LARP4: variants seen among roughly 807,000 people sequenced by gnomAD.
The protein encoded by LARP4 is La ribonucleoprotein 4.
Under a neutral mutation model 92.9 loss-of-function variants are expected in LARP4, and 29 were observed. The ratio of observed to expected loss-of-function variants is 0.31; its 90% CI spans 0.23 to 0.43. The LOEUF (loss-of-function observed/expected upper bound fraction) is 0.43. Among genes scored for constraint, LARP4 ranks in the 20% least tolerant of loss-of-function variants. LARP4 has a pLI of 1.00. For missense variants in LARP4, 732 were observed against 860.0 expected, an observed-to-expected ratio of 0.85 and a Z score of 1.86; for synonymous variants, 279 against 284.1, an observed-to-expected ratio of 0.98 and a Z score of 0.18.
intron 3 of LARP4, among the ~76,000 whole-genome samples, chr12:50,429,545 G>GA (rs374513874): frequency 6.6e-6 from 1 of 151,588 alleles, no homozygotes; most frequent in African/African-American, 2.4e-5. Flanking sequence ...AACTGTGTCT[G>GA]AAAAAAAAAT....
At chr12:50,412,285 C>G (rs926062872) in intron 1 of LARP4, 6 of 189,552 alleles carry the variant, frequency 3.2e-5, no homozygotes, top group African/African-American at 4.8e-5. Flanking sequence ...TTTTTCCCCC[C>G]CTAAGTACTT....
intron 1 of LARP4, among the ~76,000 whole-genome samples, chr12:50,424,309 A>G (rs1360062543): frequency 6.6e-6 from 1 of 151,744 alleles, no homozygotes; most frequent in Non-Finnish European, 1.5e-5. Context: ...GTTTGAGGCT[A>G]CAGTGAGCTA....
Position 50,461,143 on chromosome 12 carries a change from C to T in LARP4, c.1130C>T (p.Pro377Leu), listed in dbSNP as rs989019765. Reference protein sequence around the residue: ...GRPFQKNRVKPQFRSSGGSEH... With the variant: ...GRPFQKNRVKLQFRSSGGSEH... ...TTTTGTATTTCCTATAGTGTGAAGC[C>T]TCAGTTTAGGTCATCTGGTGGTTCA... The change falls in exon 11 of 16, where the codon CCT (proline) becomes CTT (leucine). Residue 377 changes from proline to leucine, a missense_variant. Coordinates refer to ENST00000398473, the MANE Select transcript of LARP4 (RefSeq NM_052879.5). 2.5e-6 allele frequency: 4 copies of T among 1,613,294 alleles called. No individual in the cohort carries two copies. Among genetic ancestry groups the T allele is most frequent in the South Asian group, 1.1e-5 (1 of 91,064 alleles).
chr12:50,470,078 G>A (rs566509275), intron 13 of LARP4, among the ~76,000 whole-genome samples: 18 of 151,902 alleles, frequency 1.2e-4, no homozygotes, highest in African/African-American at 4.3e-4. Flanking sequence ...AAAAAAAATA[G>A]CTGGGCATGG....
At chr12:50,422,500 T>C (rs1947975487) in intron 1 of LARP4, among the ~76,000 whole-genome samples, 1 of 152,172 alleles carries the variant, frequency 6.6e-6, no homozygotes, top group Non-Finnish European at 1.5e-5. Flanking sequence ...TTAAAATATT[T>C]GATGTAGGAT....
At chr12:50,448,056 G>A (rs930202885) in intron 8 of LARP4, among the ~76,000 whole-genome samples, 1 of 151,806 alleles carries the variant, frequency 6.6e-6, no homozygotes, top group Non-Finnish European at 1.5e-5. Flanking sequence ...TAGTAGAGAT[G>A]GGGTTTCACC....
intron 13 of LARP4, among the ~76,000 whole-genome samples, chr12:50,470,758 C>T (rs747837870): frequency 6.6e-6 from 1 of 152,082 alleles, no homozygotes; most frequent in Non-Finnish European, 1.5e-5. Flanking sequence ...CAATTATGGC[C>T]CATAAATATC....
chr12:50,449,342 CT>C (rs1202890417), intron 8 of LARP4, among the ~76,000 whole-genome samples: 2 of 152,090 alleles, frequency 1.3e-5, no homozygotes, highest in African/African-American at 4.8e-5. Context: ...CATTATCTGT[CT>C]TGCAGTGTTT....
intron 12 of LARP4, among the ~76,000 whole-genome samples, chr12:50,465,991 A>G (rs549933751): frequency 6.6e-6 from 1 of 152,240 alleles, no homozygotes; most frequent in East Asian, 1.9e-4. Flanking sequence ...AAAAGAGCAC[A>G]TGTCTGTCAA....
chr12:50,450,391 T>A (rs1952975318), intron 8 of LARP4, among the ~76,000 whole-genome samples: 1 of 152,234 alleles, frequency 6.6e-6, no homozygotes, highest in Non-Finnish European at 1.5e-5. Context: ...TAGACACAAG[T>A]AGTATTTGTG....
chr12:50,422,856 C>T (rs942427242), intron 1 of LARP4, among the ~76,000 whole-genome samples: 4 of 150,138 alleles, frequency 2.7e-5, no homozygotes, highest in African/African-American at 7.3e-5. Flanking sequence ...CCCCCTCTGT[C>T]GCCCTGGCTG....
chr12:50,461,978 G>C (rs1955462724), intron 11 of LARP4, among the ~76,000 whole-genome samples: 1 of 151,912 alleles, frequency 6.6e-6, no homozygotes, highest in African/African-American at 2.4e-5. Flanking sequence ...TAAACTATAG[G>C]GGTGAGGTTA....
At chr12:50,474,560 G>C (rs1241065478) in intron 15 of LARP4, among the ~76,000 whole-genome samples, 2 of 152,090 alleles carry the variant, frequency 1.3e-5, no homozygotes, top group Non-Finnish European at 2.9e-5. Flanking sequence ...TGTTAGCCAG[G>C]ATGGTCTCAA....
intron 10 of LARP4, among the ~76,000 whole-genome samples, chr12:50,458,260 CTTTGTTTTTGTTTG>C (rs1201032096): frequency 6.6e-6 from 1 of 151,816 alleles, no homozygotes; most frequent in African/African-American, 2.4e-5. Flanking sequence ...ATAATTTTAT[CTTTGTTTTTGTTTG>C]TTTGTTTTTG....
At chr12:50,434,405 AT>A (rs1388204696) in intron 4 of LARP4, among the ~76,000 whole-genome samples, 1 of 142,884 alleles carries the variant, frequency 7.0e-6, no homozygotes, top group Non-Finnish European at 1.5e-5. Flanking sequence ...TATATTTTTT[AT>A]TTTTCTTTTT....
At chr12:50,418,542 C>T (rs1001585554) in intron 1 of LARP4, among the ~76,000 whole-genome samples, 1 of 152,164 alleles carries the variant, frequency 6.6e-6, no homozygotes, top group African/African-American at 2.4e-5. Context: ...GCCTCAGGCT[C>T]TCAAATAGCT....
At position 50,467,135 on chromosome 12, in the gene LARP4, T is replaced by C. The variant is rs1361965777; in HGVS notation, c.1545+15T>C. 12 of 1,584,194 alleles carry C rather than the reference T, an allele frequency of 7.6e-6. No individual in the cohort carries two copies. In the East Asian group the frequency reaches 2.0e-4, roughly 27 times the overall value. On this transcript the variant is annotated intron_variant, in intron 13 of 15. Transcript: ENST00000398473. ...ACAAAGAAAAGGTAAACACCCAGCA[T>C]CTGAGTCTTACCTTATGAGACCATA...
At chr12:50,451,848 A>G (rs934376838) in intron 8 of LARP4, among the ~76,000 whole-genome samples, 37 of 151,840 alleles carry the variant, frequency 2.4e-4, no homozygotes, top group African/African-American at 9.0e-4. Flanking sequence ...TAAAAAAAAT[A>G]CAAAAATCAG....
intron 10 of LARP4, among the ~76,000 whole-genome samples, chr12:50,460,829 G>A (rs547524041): frequency 6.6e-6 from 1 of 152,136 alleles, no homozygotes; most frequent in Non-Finnish European, 1.5e-5. Flanking sequence ...TGTAGTCCCA[G>A]CTACTTGGGA....
Sources: gnomAD v4.1 joint callset for allele counts (sites outside exome capture counted in the v4.1 genomes callset) on GRCh38, gnomAD v4.1.1 for gene constraint, MANE v1.5 for transcripts, NCBI Gene and HGNC (gene_info 2026-07-23, HGNC 2026-07-21) for gene names.